XRRA1: variants seen among roughly 807,000 people sequenced by gnomAD.
The protein encoded by XRRA1 is X-ray radiation resistance-associated protein 1.
XRRA1 carries 69 observed loss-of-function variants against 80.2 expected under a neutral mutation model. The observed-to-expected ratio is 0.86, with a 90% CI of 0.71 to 1.05. The LOEUF is 1.05. Among genes scored for constraint, XRRA1 ranks in the 50% least tolerant of loss-of-function variants. The probability of loss-of-function intolerance (pLI) is 0.00; values close to 1 mark genes in which losing one functional copy is unlikely to be tolerated. For synonymous variants in XRRA1, 348 were observed against 389.9 expected (o/e 0.89, Z 1.27); for missense variants, 967 against 976.4 (o/e 0.99, Z 0.13).
intron 14 of XRRA1, among the ~76,000 whole-genome samples, chr11:74,848,978 C>T (rs4133526): frequency 0.041 from 6,280 of 152,228 alleles, 134 homozygotes; most frequent in African/African-American, 0.058. Flanking sequence ...GTTCCCTATA[C>T]CTTATATAAA....
At chr11:74,933,507 C>T (rs571751138) in intron 5 of XRRA1, 63 of 218,116 alleles carry the variant, frequency 2.9e-4, no homozygotes, top group African/African-American at 1.2e-3. Flanking sequence ...CCACCCACCT[C>T]GGCCTCCCAA....
At chr11:74,858,981 G>A (rs552759450) in intron 12 of XRRA1, among the ~76,000 whole-genome samples, 177 bp downstream of exon 12, 2 of 152,288 alleles carry the variant, frequency 1.3e-5, no homozygotes, top group East Asian at 1.9e-4. Context: ...TGTGACTGAA[G>A]AGATGGACTC....
At chr11:74,872,354 C>T (rs1014269980) in intron 10 of XRRA1, among the ~76,000 whole-genome samples, 3 of 152,264 alleles carry the variant, frequency 2.0e-5, no homozygotes, top group African/African-American at 7.2e-5. Flanking sequence ...TAGAAGGAAA[C>T]TGTAGAAGCA....
rs747434949 is a variant in XRRA1 at position 74,851,977 on chromosome 11, C to T, written c.1264+12G>A. 5.6e-6 allele frequency: 9 copies of T among 1,611,638 alleles called. No homozygotes were observed. The highest frequency in any genetic ancestry group is 2.2e-5 in the East Asian group (1 of 44,848). ...ACTGGGTTGAGAGGGGGCAGGTTTG[C>T]GGGCACTATACCTCGTGTATGGGCC... On this transcript the variant is annotated intron_variant, in intron 13 of 18. Coordinates refer to ENST00000684022, the MANE Select transcript of XRRA1 (RefSeq NM_001378157.1).
At chr11:74,883,783 T>C (rs112100448) in intron 10 of XRRA1, among the ~76,000 whole-genome samples, 77 of 152,262 alleles carry the variant, frequency 5.1e-4, no homozygotes, top group African/African-American at 1.8e-3. Flanking sequence ...CCAGCTGTAG[T>C]GTTTCCACTC....
intron 11 of XRRA1, among the ~76,000 whole-genome samples, chr11:74,860,829 T>C (rs2042156024): frequency 6.6e-6 from 1 of 152,194 alleles, no homozygotes; most frequent in African/African-American, 2.4e-5. Context: ...CTTCTAAAAC[T>C]CTTGGAATTT....
At chr11:74,843,804 A>T (rs2037141250) in intron 18 of XRRA1, 50 bp downstream of exon 18, 1 of 1,511,258 alleles carries the variant, frequency 6.6e-7, no homozygotes, top group Non-Finnish European at 9.1e-7. Context: ...GCCTTTAGCC[A>T]GCAGGCGTGA....
At chr11:74,935,195 C>T (rs1475155385) in intron 4 of XRRA1, among the ~76,000 whole-genome samples, 1 of 152,160 alleles carries the variant, frequency 6.6e-6, no homozygotes, top group Non-Finnish European at 1.5e-5. Flanking sequence ...AGACATTAGT[C>T]AGTAACAATC....
chr11:74,939,508 C>A (rs982556273), intron 3 of XRRA1, among the ~76,000 whole-genome samples: 10 of 152,152 alleles, frequency 6.6e-5, no homozygotes, highest in Non-Finnish European at 1.5e-5. Context: ...TGATTGGGAG[C>A]ACCTTCAAGT....
At chr11:74,922,172 G>A (rs1409640441) in intron 7 of XRRA1, among the ~76,000 whole-genome samples, 2 of 147,440 alleles carry the variant, frequency 1.4e-5, no homozygotes. Context: ...CAGGAGAATC[G>A]TGTGAACCTG....
chr11:74,934,881 C>T (rs1462382190), intron 4 of XRRA1, among the ~76,000 whole-genome samples: 1 of 152,124 alleles, frequency 6.6e-6, no homozygotes, highest in East Asian at 1.9e-4. Context: ...GAGTACATCA[C>T]ATAGATGAGA....
At position 74,843,717 on chromosome 11, in the gene XRRA1, G is replaced by A. The variant is rs549560284; in HGVS notation, c.2149+137C>T. The A allele has an allele frequency of 1.4e-4, 123 of 861,436 alleles. 1 individual carries two copies. In the Middle Eastern group the frequency reaches 2.4e-3, roughly 17 times the overall value. 53.4% of individuals were successfully genotyped at this position (861,436 alleles called of 1,614,324 possible). Reference sequence around the variant, plus strand: ...CCTGCCTCACGCTGGCTCTCCTTTTGTCCATCTACATGTAGAGACTGATGT... The same window carrying A: ...CCTGCCTCACGCTGGCTCTCCTTTTATCCATCTACATGTAGAGACTGATGT... On this transcript the variant is annotated intron_variant, in intron 18 of 18. Transcript: ENST00000684022.
chr11:74,907,054 C>T (rs923543302), intron 9 of XRRA1, 91 bp downstream of exon 9: 45 of 1,551,378 alleles, frequency 2.9e-5, no homozygotes, highest in Middle Eastern at 2.3e-4. Context: ...AGGCTTTAAA[C>T]CCAAACCTTT....
At chr11:74,851,953 C>CTGGGT in intron 13 of XRRA1, 36 bp downstream of exon 13, 1 of 1,581,258 alleles carries the variant, frequency 6.3e-7, no homozygotes, top group Non-Finnish European at 8.7e-7. Flanking sequence ...TCCTTGGGCA[C>CTGGGT]TGGGTTGAGA....
intron 1 of XRRA1, among the ~76,000 whole-genome samples, chr11:74,945,634 A>G (rs987402443): frequency 4.2e-4 from 63 of 150,610 alleles, no homozygotes; most frequent in African/African-American, 1.5e-3. Context: ...ATTATCTAAG[A>G]CAAGTAAGAT....
intron 2 of XRRA1, among the ~76,000 whole-genome samples, chr11:74,943,932 C>G (rs1946957128): frequency 6.6e-6 from 1 of 152,116 alleles, no homozygotes; most frequent in Non-Finnish European, 1.5e-5. Flanking sequence ...AACAATCCTC[C>G]TACCTCAGCC....
chr11:74,932,016 C>T (rs1219927410), intron 5 of XRRA1, among the ~76,000 whole-genome samples: 1 of 152,128 alleles, frequency 6.6e-6, no homozygotes, highest in East Asian at 1.9e-4. Flanking sequence ...ATTTATTGGC[C>T]TTTCAAGTTC....
chr11:74,880,749 A>C (rs2047337162), intron 10 of XRRA1, among the ~76,000 whole-genome samples: 1 of 151,178 alleles, frequency 6.6e-6, no homozygotes, highest in Non-Finnish European at 1.5e-5. Flanking sequence ...CAGGTTGTTC[A>C]GTTTCCATGT....
chr11:74,943,522 A>AGG (rs200635764), intron 2 of XRRA1, among the ~76,000 whole-genome samples: 819 of 55,596 alleles, frequency 0.015, 10 homozygotes, highest in African/African-American at 0.055. Context: ...AGAGAGTAGG[A>AGG]GGGTGTGTGT....
Sources: gnomAD v4.1 joint callset for allele counts (sites outside exome capture counted in the v4.1 genomes callset) on GRCh38, gnomAD v4.1.1 for gene constraint, MANE v1.5 for transcripts, NCBI Gene and HGNC (gene_info 2026-07-23, HGNC 2026-07-21) for gene names.